PRDM5: variants seen among roughly 807,000 people sequenced by gnomAD.
PRDM5 encodes PR/SET domain 5.
PRDM5 carries 56 observed loss-of-function variants against 81.2 expected under a neutral mutation model. The ratio of observed to expected loss-of-function variants is 0.69; its 90% confidence interval spans 0.56 to 0.86. PRDM5 has a LOEUF of 0.86. Among genes scored for constraint, PRDM5 ranks in the 40% least tolerant of loss-of-function variants. PRDM5 has a pLI of 0.00. For missense variants in PRDM5, 697 were observed against 770.1 expected (o/e 0.91, Z 1.12); for synonymous variants, 267 against 256.4 (o/e 1.04, Z -0.39).
At chr4:120,744,394 C>T (rs1197954759) in intron 14 of PRDM5, among the ~76,000 whole-genome samples, 4 of 151,974 alleles carry the variant, frequency 2.6e-5, no homozygotes, top group Non-Finnish European at 5.9e-5. Flanking sequence ...AGCAAACACA[C>T]TCAAAAGCTA....
chr4:120,820,920 T>C (rs893848663), intron 4 of PRDM5, among the ~76,000 whole-genome samples: 7 of 152,228 alleles, frequency 4.6e-5, no homozygotes, highest in African/African-American at 1.7e-4. Flanking sequence ...AGCCGGGAGC[T>C]GCCCTAGCAA....
chr4:120,894,600 G>A (rs543534370), intron 2 of PRDM5, among the ~76,000 whole-genome samples: 1 of 152,244 alleles, frequency 6.6e-6, no homozygotes, highest in East Asian at 1.9e-4. Context: ...CTGTTCTGAG[G>A]AAAACAGTAT....
At chr4:120,860,942 C>T (rs952218796) in intron 2 of PRDM5, among the ~76,000 whole-genome samples, 6 of 152,134 alleles carry the variant, frequency 3.9e-5, no homozygotes, top group South Asian at 2.1e-4. Flanking sequence ...GAAGCCTTAG[C>T]GTTGCCCAAT....
chr4:120,848,876 GAAGATAACCTATTAA>G (rs1758945070), intron 3 of PRDM5, among the ~76,000 whole-genome samples: 1 of 152,054 alleles, frequency 6.6e-6, no homozygotes, highest in Admixed American at 6.6e-5. Context: ...GACCTTACTG[GAAGATAACCTATTAA>G]AAGATAGATC....
chr4:120,778,531 G>C (rs1213730657), intron 12 of PRDM5, among the ~76,000 whole-genome samples: 1 of 152,036 alleles, frequency 6.6e-6, no homozygotes, highest in East Asian at 1.9e-4. Context: ...TATTTAATTA[G>C]CGAATTTGCA....
At chr4:120,857,910 A>C (rs1285407076) in intron 2 of PRDM5, among the ~76,000 whole-genome samples, 1 of 152,228 alleles carries the variant, frequency 6.6e-6, no homozygotes, top group Non-Finnish European at 1.5e-5. Flanking sequence ...TCAAATGCCT[A>C]AGGAATTTTT....
chr4:120,720,465 G>C (rs1738441643), intron 14 of PRDM5, among the ~76,000 whole-genome samples: 1 of 152,206 alleles, frequency 6.6e-6, no homozygotes. Flanking sequence ...GTGAAATTTA[G>C]AGGAGGGTTT....
At position 120,882,666 on chromosome 4, in the gene PRDM5, A is replaced by G. The variant is rs117101619; in HGVS notation, c.177+24808T>C. On this transcript the variant is annotated intron_variant, in intron 2 of 15. Transcript: ENST00000264808. ...TATAACAAATCTCTATATTATTACT[A>G]ATCTACAATCTACAAAGGTATTATT... is the stretch of plus-strand genomic sequence containing the variant. Among the ~76,000 whole-genome samples, 63 of 152,362 alleles carry G rather than the reference A, an allele frequency of 4.1e-4. 1 individual carries two copies. The East Asian group carries it at 0.011, about 28-fold the overall frequency.
intron 14 of PRDM5, among the ~76,000 whole-genome samples, chr4:120,722,302 A>G (rs1437141142): frequency 1.3e-5 from 2 of 152,076 alleles, no homozygotes; most frequent in Non-Finnish European, 2.9e-5. Flanking sequence ...CAGTTACACA[A>G]TCAGAGAGAG....
chr4:120,886,295 A>G (rs190897401), intron 2 of PRDM5, among the ~76,000 whole-genome samples: 180 of 152,384 alleles, frequency 1.2e-3, no homozygotes, highest in Non-Finnish European at 2.0e-3. Context: ...TCCATAAACA[A>G]TAAAGAAAAC....
At chr4:120,893,091 G>T (rs2148631172) in intron 2 of PRDM5, among the ~76,000 whole-genome samples, 1 of 152,340 alleles carries the variant, frequency 6.6e-6, no homozygotes, top group Non-Finnish European at 1.5e-5. Context: ...GGACTCAAAA[G>T]AGTTGCCCAT....
At chr4:120,785,448 G>A (rs1367796482) in intron 10 of PRDM5, among the ~76,000 whole-genome samples, 1 of 152,044 alleles carries the variant, frequency 6.6e-6, no homozygotes. Flanking sequence ...CACTGGCCAG[G>A]CTTTTACTCT....
At chr4:120,793,816 G>A (rs1561258693) in intron 10 of PRDM5, among the ~76,000 whole-genome samples, 1 of 152,108 alleles carries the variant, frequency 6.6e-6, no homozygotes, top group Non-Finnish European at 1.5e-5. Flanking sequence ...AAGATAACGT[G>A]TGAGTAATGA....
intron 14 of PRDM5, among the ~76,000 whole-genome samples, chr4:120,711,944 CA>C (rs1737051964): frequency 1.3e-5 from 2 of 152,130 alleles, no homozygotes; most frequent in Admixed American, 1.3e-4. Context: ...GGTAAATTTG[CA>C]GTGAGATCCA....
intron 13 of PRDM5, among the ~76,000 whole-genome samples, chr4:120,760,954 G>A (rs1365940023): frequency 2.0e-5 from 3 of 152,258 alleles, no homozygotes; most frequent in African/African-American, 7.2e-5. Flanking sequence ...AGATCCCTGG[G>A]CTGGAGAAGT....
chr4:120,878,109 G>T (rs1303030221), intron 2 of PRDM5, among the ~76,000 whole-genome samples: 3 of 152,106 alleles, frequency 2.0e-5, no homozygotes, highest in African/African-American at 4.8e-5. Flanking sequence ...GAAACTAACT[G>T]CTATAGGAGT....
intron 13 of PRDM5, 79 bp from the exon 14 acceptor site, chr4:120,754,717 C>T: frequency 1.0e-6 from 1 of 997,372 alleles, no homozygotes; most frequent in Non-Finnish European, 1.6e-6. Flanking sequence ...CTCACACACT[C>T]AGATCCTGGC....
intron 15 of PRDM5, among the ~76,000 whole-genome samples, chr4:120,696,539 C>G (rs1236959137): frequency 6.6e-6 from 1 of 152,086 alleles, no homozygotes; most frequent in South Asian, 2.1e-4. Flanking sequence ...AATTCTGACT[C>G]TACTATTTAC....
intron 9 of PRDM5, among the ~76,000 whole-genome samples, chr4:120,798,670 C>T (rs1018107088): frequency 1.4e-4 from 21 of 152,158 alleles, no homozygotes; most frequent in Admixed American, 5.2e-4. Context: ...AAAAGGTTTA[C>T]ATTCAAGGAA....
Sources: allele counts gnomAD v4.1 joint callset (sites outside exome capture counted in the v4.1 genomes callset), GRCh38; gene constraint gnomAD v4.1.1; transcripts MANE v1.5; gene names NCBI Gene and HGNC (gene_info 2026-07-23, HGNC 2026-07-21).